NDRG1: variants seen among roughly 807,000 people sequenced by gnomAD.
NDRG1 encodes N-myc downstream regulated 1.
In NDRG1, 32 loss-of-function variants were observed where a neutral mutation model predicts 56.9. That is an observed-to-expected ratio of 0.56 (90% CI 0.42 to 0.76). The LOEUF (loss-of-function observed/expected upper bound fraction) is 0.76, where lower values mean the gene tolerates loss of function less well. Ranked by LOEUF, NDRG1 falls within the 30% of genes least tolerant of loss-of-function variation. The probability of loss-of-function intolerance (pLI) is 0.00; values close to 1 mark genes in which losing one functional copy is unlikely to be tolerated. For missense variants in NDRG1, 507 were observed against 545.7 expected (o/e 0.93, Z 0.71); for synonymous variants, 211 against 204.1 (o/e 1.03, Z -0.29).
intron 2 of NDRG1, among the ~76,000 whole-genome samples, 182 bp from the exon 3 acceptor site, chr8:133,280,449 A>T (rs1857730305): frequency 7.5e-6 from 1 of 134,194 alleles, no homozygotes; most frequent in African/African-American, 2.9e-5. Flanking sequence ...TTTGAGACGG[A>T]GTCTTGCTCT....
chr8:133,287,782 G>A (rs1182820814), intron 1 of NDRG1, among the ~76,000 whole-genome samples: 2 of 152,198 alleles, frequency 1.3e-5, no homozygotes, highest in South Asian at 2.1e-4. Flanking sequence ...TACACCCCAC[G>A]CTGCGACCAG....
intron 2 of NDRG1, 49 bp from the exon 3 acceptor site, chr8:133,280,316 G>A (rs372449835): frequency 2.5e-5 from 39 of 1,591,290 alleles, no homozygotes; most frequent in Middle Eastern, 3.3e-4. Flanking sequence ...TTCTCTGTAA[G>A]AGAAATAATA....
At chr8:133,279,867 A>C (rs1857683256) in intron 3 of NDRG1, among the ~76,000 whole-genome samples, 1 of 152,080 alleles carries the variant, frequency 6.6e-6, no homozygotes, top group Non-Finnish European at 1.5e-5. Flanking sequence ...TCAGTTTCCC[A>C]AGTGGAGCCA....
intron 1 of NDRG1, among the ~76,000 whole-genome samples, chr8:133,287,914 CTTAT>C (rs773181776): frequency 6.6e-6 from 1 of 152,088 alleles, no homozygotes; most frequent in Non-Finnish European, 1.5e-5. Flanking sequence ...TGGATGCATT[CTTAT>C]TTAATCTAGT....
At position 133,262,069 on chromosome 8, in the gene NDRG1, C is replaced by T. The variant is rs200433822; in HGVS notation, c.304G>A (p.Gly102Ser). The T allele has an allele frequency of 5.5e-5, 88 of 1,613,606 alleles. No homozygotes were observed. The highest frequency in any genetic ancestry group is 2.3e-4 in the South Asian group (21 of 91,064). ...CHVDAPGQQD[G>S]AASFPAGYMY... ...CACCCTGCGGGGAAGGAGGCTGCGC[C>T]GTCCTGCTGGCCAGGGGCGTCCACG... Residue 102 changes from glycine (G) to serine (S), a missense_variant, in exon 5 of 16, where the codon GGC becomes AGC. Transcript: ENST00000323851.
Position 133,238,083 on chromosome 8 carries a change from T to C in NDRG1, c.*795A>G, listed in dbSNP as rs1855159190. 8.6e-6 allele frequency: 2 copies of C among 232,762 alleles called. No individual in the cohort carries two copies. Among genetic ancestry groups the C allele is most frequent in the African/African-American group, 2.2e-5 (1 of 45,304 alleles). 14.4% of individuals were successfully genotyped at this position (232,762 alleles called of 1,614,324 possible). A position where few individuals can be genotyped will look rare whatever the true frequency, so the allele number is the denominator to read the frequency against. Reference sequence around the variant, plus strand: ...TGGCTCATGTATCAGGGGTGGGAGGTTGGGGCTGTGGAGGAGAGGCAGAAA... The same window carrying C: ...TGGCTCATGTATCAGGGGTGGGAGGCTGGGGCTGTGGAGGAGAGGCAGAAA... On this transcript the variant is annotated 3_prime_UTR_variant, in exon 16 of 16. Coordinates refer to ENST00000323851, the MANE Select transcript of NDRG1 (RefSeq NM_006096.4).
intron 9 of NDRG1, among the ~76,000 whole-genome samples, chr8:133,252,937 G>C (rs1856154689): frequency 6.6e-6 from 1 of 152,228 alleles, no homozygotes; most frequent in African/African-American, 2.4e-5. Context: ...GTCAACTCCA[G>C]AGTGGGGCGT....
chr8:133,238,621 A>G lies in NDRG1; in HGVS notation c.*257T>C. On this transcript the variant is annotated 3_prime_UTR_variant, in exon 16 of 16. Coordinates refer to ENST00000323851, the MANE Select transcript of NDRG1 (RefSeq NM_006096.4). ...CTCTGAGGGAGGGGAGGAGAGTGGC[A>G]ACCGGCCACTGGTTAATGGAAGAGG... 2 of 557,362 alleles carry G rather than the reference A, an allele frequency of 3.6e-6. No individual in the cohort carries two copies. The highest frequency in any genetic ancestry group is 6.3e-6 in the Non-Finnish European group (2 of 315,262). 34.5% of individuals were successfully genotyped at this position (557,362 alleles called of 1,614,324 possible).
At chr8:133,248,634 G>C in intron 11 of NDRG1, 81 bp downstream of exon 11, 2 of 1,503,516 alleles carry the variant, frequency 1.3e-6, no homozygotes, top group Non-Finnish European at 1.9e-6. Flanking sequence ...GCCACACTCA[G>C]AAAGAAGGCC....
chr8:133,258,463 C>G, intron 6 of NDRG1, 37 bp from the exon 7 acceptor site: 2 of 1,588,946 alleles, frequency 1.3e-6, no homozygotes, highest in East Asian at 2.3e-5. Context: ...CACACAAGGA[C>G]AGAGTGACGG....
chr8:133,278,091 G>A (rs950031530), intron 3 of NDRG1, among the ~76,000 whole-genome samples: 20 of 152,164 alleles, frequency 1.3e-4, no homozygotes, highest in Non-Finnish European at 2.4e-4. Flanking sequence ...GGGAAGGTTG[G>A]CAAGGGCAGC....
At chr8:133,254,983 T>C (rs1010687273) in intron 8 of NDRG1, 2 of 334,868 alleles carry the variant, frequency 6.0e-6, no homozygotes, top group Admixed American at 4.1e-5. Context: ...CCCCAAGATA[T>C]GCTTGGCTCC....
At chr8:133,253,311 A>G (rs1195115936) in intron 9 of NDRG1, among the ~76,000 whole-genome samples, 6 of 152,226 alleles carry the variant, frequency 3.9e-5, no homozygotes, top group Non-Finnish European at 5.9e-5. Flanking sequence ...GCAGCAGCAC[A>G]GGCAGCCGCC....
At chr8:133,241,986 GC>G in intron 15 of NDRG1, 36 bp downstream of exon 15, 1 of 1,611,838 alleles carries the variant, frequency 6.2e-7, no homozygotes, top group African/African-American at 1.3e-5. Flanking sequence ...TCCGACACAT[GC>G]CCCGACCCAC....
chr8:133,256,903 A>G (rs1322649576), intron 7 of NDRG1, 40 bp from the exon 8 acceptor site: 2 of 1,579,130 alleles, frequency 1.3e-6, no homozygotes, highest in East Asian at 2.2e-5. Context: ...CATCCCAGCA[A>G]TCTGAAACAC....
At chr8:133,253,258 T>C (rs1226724694) in intron 9 of NDRG1, among the ~76,000 whole-genome samples, 2 of 152,184 alleles carry the variant, frequency 1.3e-5, no homozygotes, top group Non-Finnish European at 2.9e-5. Context: ...CAATCCCCTT[T>C]AGTGGGGTAA....
At position 133,245,965 on chromosome 8, in the gene NDRG1, C is replaced by T. The variant is rs550970030; in HGVS notation, c.855+651G>A. Among the ~76,000 whole-genome samples the T allele has an allele frequency of 3.9e-4, 59 of 152,312 alleles. 1 individual carries two copies. Among genetic ancestry groups the T allele is most frequent in the Middle Eastern group, 6.8e-3 (2 of 294 alleles). The stretch of plus-strand genomic sequence containing the variant: ...TTGAGGGCACGGTGACCTACAGATG[C>T]CACCTCTTTGTCCTTCCCCCAGTGC... On this transcript the variant is annotated intron_variant, in intron 13 of 15. Coordinates refer to ENST00000323851, the MANE Select transcript of NDRG1 (RefSeq NM_006096.4).
At position 133,238,877 on chromosome 8, in the gene NDRG1, C is replaced by T. The variant is rs1362213483; in HGVS notation, c.*1G>A. On this transcript the variant is annotated 3_prime_UTR_variant, in exon 16 of 16. Coordinates refer to ENST00000323851, the MANE Select transcript of NDRG1 (RefSeq NM_006096.4). ...CCGGGGGCGGCAGCTGGGCAGGCCGCCTAGCAGGAGACCTCCATGGACTTG... is the reference window on the plus strand; with the variant it reads ...CCGGGGGCGGCAGCTGGGCAGGCCGTCTAGCAGGAGACCTCCATGGACTTG... The T allele has an allele frequency of 6.4e-7, 1 of 1,552,226 alleles. No individual in the cohort carries two copies. The highest frequency in any genetic ancestry group is 8.7e-7 in the Non-Finnish European group (1 of 1,149,558).
At chr8:133,278,126 G>A (rs1038232949) in intron 3 of NDRG1, among the ~76,000 whole-genome samples, 1 of 152,064 alleles carries the variant, frequency 6.6e-6, no homozygotes, top group Admixed American at 6.5e-5. Context: ...GGGAGGCTGG[G>A]GTGGCCCGGC....
Sources: gnomAD v4.1 joint callset for allele counts (sites outside exome capture counted in the v4.1 genomes callset) on GRCh38, gnomAD v4.1.1 for gene constraint, MANE v1.5 for transcripts, NCBI Gene and HGNC (gene_info 2026-07-23, HGNC 2026-07-21) for gene names.